DPP10: variants seen among roughly 807,000 people sequenced by gnomAD.
DPP10 encodes dipeptidyl peptidase like 10.
In DPP10, 33 loss-of-function variants were observed where a neutral mutation model predicts 120.9. The ratio of observed to expected loss-of-function variants is 0.27; its 90% confidence interval spans 0.21 to 0.37. The LOEUF (loss-of-function observed/expected upper bound fraction) is 0.37. Ranked by LOEUF, DPP10 falls within the 10% of genes least tolerant of loss-of-function variation. The probability of loss-of-function intolerance (pLI) is 1.00; values close to 1 mark genes in which losing one functional copy is unlikely to be tolerated. For synonymous variants in DPP10, 337 were observed against 326.1 expected (o/e 1.03, Z -0.36); for missense variants, 816 against 942.8 (o/e 0.87, Z 1.76).
chr2:115,165,245 G>A (rs12711818), intron 1 of DPP10, among the ~76,000 whole-genome samples: 81,619 of 151,990 alleles, frequency 0.54, 22,364 homozygotes, highest in Non-Finnish European at 0.6. Context: ...GTTTTTTGAG[G>A]TGAGTCCTGT....
chr2:115,413,786 T>A (rs2069143331), intron 3 of DPP10, among the ~76,000 whole-genome samples: 1 of 152,204 alleles, frequency 6.6e-6, no homozygotes, highest in Non-Finnish European at 1.5e-5. Flanking sequence ...ACCCTGTGTC[T>A]CAACTCAGGG....
At chr2:115,564,767 T>C (rs890885142) in intron 5 of DPP10, among the ~76,000 whole-genome samples, 3 of 152,220 alleles carry the variant, frequency 2.0e-5, no homozygotes, top group Admixed American at 6.5e-5. Context: ...ATTAAAAATA[T>C]TGACATTTTT....
chr2:115,476,729 C>A (rs2075110260), intron 3 of DPP10, among the ~76,000 whole-genome samples: 1 of 152,096 alleles, frequency 6.6e-6, no homozygotes, highest in Admixed American at 6.6e-5. Context: ...TTAGAGAGTA[C>A]AACATCCAAA....
At chr2:115,425,479 C>T (rs970729705) in intron 3 of DPP10, among the ~76,000 whole-genome samples, 1 of 152,056 alleles carries the variant, frequency 6.6e-6, no homozygotes, top group Non-Finnish European at 1.5e-5. Context: ...AGTAACCTAG[C>T]CTTCAAAATT....
At chr2:114,994,257 A>G (rs1700938732) in intron 1 of DPP10, among the ~76,000 whole-genome samples, 1 of 152,184 alleles carries the variant, frequency 6.6e-6, no homozygotes, top group Admixed American at 6.5e-5. Flanking sequence ...TGGGCAGAAG[A>G]TGTGGGGTAA....
intron 5 of DPP10, among the ~76,000 whole-genome samples, chr2:115,620,459 C>A (rs1032871150): frequency 1.3e-5 from 2 of 152,070 alleles, no homozygotes; most frequent in African/African-American, 4.8e-5. Context: ...GAGAACAGGG[C>A]AAAACAAAGG....
chr2:114,775,169 T>C (rs1490773269), intron 1 of DPP10, among the ~76,000 whole-genome samples: 1 of 152,104 alleles, frequency 6.6e-6, no homozygotes, highest in Admixed American at 6.6e-5. Context: ...AAAATCTTGA[T>C]TAGTCCTAAC....
chr2:115,554,105 T>C (rs1014283531), intron 5 of DPP10, among the ~76,000 whole-genome samples: 2 of 151,076 alleles, frequency 1.3e-5, no homozygotes, highest in African/African-American at 4.9e-5. Flanking sequence ...TTAATACCAG[T>C]GATTACTAAA....
In DPP10 at chr2:115,761,052, G is replaced by A. The variant is rs548570774; in HGVS notation, c.1075-1520G>A. On this transcript the variant is annotated intron_variant, in intron 11 of 25. Coordinates refer to ENST00000410059, the MANE Select transcript of DPP10 (RefSeq NM_020868.6). ...GCAGAGGTTTCAGTGAGCCGAGATC[G>A]GGCCACTGCACTCCAGCCTGGGCAA... Among the ~76,000 whole-genome samples the A allele has an allele frequency of 2.1e-4, 31 of 149,810 alleles. 2 individuals carry two copies. The highest frequency in any genetic ancestry group is 6.4e-4 in the African/African-American group (26 of 40,692).
Position 115,777,814 on chromosome 2 carries a change from C to T in DPP10, c.1341C>T (p.Pro447=). ...KIYFLSTESS[P]RGRQLYSAST... ...ACTTTCTGAGCACTGAATCTTCTCC[C>T]AGAGGAAGGCAGCTGTACAGGTAAG... The change falls in exon 15 of 26, where the codon CCC becomes CCT. Residue 447 remains proline, a synonymous_variant. Coordinates refer to ENST00000410059, the MANE Select transcript of DPP10 (RefSeq NM_020868.6). 2 of 1,613,220 alleles carry T rather than the reference C, an allele frequency of 1.2e-6. No homozygotes were observed. The highest frequency in any genetic ancestry group is 1.7e-6 in the Non-Finnish European group (2 of 1,179,412).
intron 1 of DPP10, among the ~76,000 whole-genome samples, chr2:115,239,657 G>GT (rs1330880989): frequency 6.6e-6 from 1 of 152,066 alleles, no homozygotes; most frequent in African/African-American, 2.4e-5. Context: ...GAACGTGCAG[G>GT]TTTGTTGCAT....
At chr2:114,872,374 C>T (rs1037148811) in intron 1 of DPP10, among the ~76,000 whole-genome samples, 3 of 152,102 alleles carry the variant, frequency 2.0e-5, no homozygotes, top group Admixed American at 6.6e-5. Flanking sequence ...CCCCCATGAT[C>T]GAAATCACCT....
chr2:115,533,673 T>C (rs1350027459), intron 5 of DPP10, among the ~76,000 whole-genome samples: 1 of 152,050 alleles, frequency 6.6e-6, no homozygotes, highest in East Asian at 1.9e-4. Context: ...GCTGTTAAAA[T>C]TCATACATTC....
intron 1 of DPP10, among the ~76,000 whole-genome samples, chr2:114,745,545 C>T (rs1269005888): frequency 3.3e-5 from 5 of 151,628 alleles, no homozygotes; most frequent in African/African-American, 4.9e-5. Context: ...TGATGGCTGC[C>T]CTCTAGAAAT....
At chr2:115,149,565 C>T (rs908868404) in intron 1 of DPP10, among the ~76,000 whole-genome samples, 1 of 152,122 alleles carries the variant, frequency 6.6e-6, no homozygotes, top group African/African-American at 2.4e-5. Context: ...ACTTTTGATT[C>T]CTCTTGAACT....
intron 1 of DPP10, among the ~76,000 whole-genome samples, chr2:114,801,273 A>AAAAAAAAAAAAAAAAAAAG (rs1278761461): frequency 1.3e-5 from 1 of 77,810 alleles, no homozygotes; most frequent in African/African-American, 3.7e-5. Flanking sequence ...AAAAAAAAAA[A>AAAAAAAAAAAAAAAAAAAG]AAAAAAGAAA....
At chr2:114,551,697 G>C (rs552401467) in intron 1 of DPP10, among the ~76,000 whole-genome samples, 44 of 152,260 alleles carry the variant, frequency 2.9e-4, no homozygotes, top group African/African-American at 9.9e-4. Context: ...CCTTGTAGTG[G>C]ACCCCTTTGC....
intron 1 of DPP10, among the ~76,000 whole-genome samples, chr2:114,653,079 T>A (rs1696729756): frequency 6.6e-6 from 1 of 150,688 alleles, no homozygotes. Context: ...TGTAGTAGTT[T>A]GAATGGTGAC....
At chr2:115,616,074 T>A (rs2084470850) in intron 5 of DPP10, among the ~76,000 whole-genome samples, 1 of 152,150 alleles carries the variant, frequency 6.6e-6, no homozygotes, top group Non-Finnish European at 1.5e-5. Context: ...TTGTTTAAAC[T>A]GTGGAAGTTA....
Sources: allele counts gnomAD v4.1 joint callset (sites outside exome capture counted in the v4.1 genomes callset), GRCh38; gene constraint gnomAD v4.1.1; transcripts MANE v1.5; gene names NCBI Gene and HGNC (gene_info 2026-07-23, HGNC 2026-07-21).